CCR5AS: variants seen among roughly 807,000 people sequenced by gnomAD.
The protein encoded by CCR5AS is CCR5 antisense RNA.
At chr3:46,374,946 G>A (rs1034541077) in intron 2 of CCR5AS, 1 of 167,578 alleles carries the variant, frequency 6.0e-6, no homozygotes, top group Non-Finnish European at 1.5e-5. Context: ...AGCATATGAG[G>A]ATGCAGAGTC....
chr3:46,373,772 C>T (rs1701710061), intron 2 of CCR5AS: 1 of 1,613,652 alleles, frequency 6.2e-7, no homozygotes, highest in Non-Finnish European at 8.5e-7. Context: ...TGACGCACTG[C>T]TGCATCAACC....
intron 1 of CCR5AS, among the ~76,000 whole-genome samples, chr3:46,396,668 A>G (rs1701964376): frequency 6.6e-6 from 1 of 152,140 alleles, no homozygotes; most frequent in Non-Finnish European, 1.5e-5. Context: ...ATGACTGGCT[A>G]ATGTTGGATT....
chr3:46,373,017 C>T, intron 2 of CCR5AS: 1 of 1,614,184 alleles, frequency 6.2e-7, no homozygotes, highest in Non-Finnish European at 8.5e-7. Flanking sequence ...GCTCTACTCA[C>T]TGGTGTTCAT....
Position 46,385,305 on chromosome 3 carries a change from G to A in CCR5AS, n.391+7520C>T, listed in dbSNP as rs1001815991. Among the ~76,000 whole-genome samples, 66 of 152,310 alleles carry A rather than the reference G, an allele frequency of 4.3e-4. No individual in the cohort carries two copies. The Middle Eastern group carries it at 0.014, about 31-fold the overall frequency. ...TAGTATTGAGACAGGAATAATAAGG[G>A]TGGTCACAGGAGAATGGAAGATTCC... On this transcript the variant is annotated intron_variant and non_coding_transcript_variant, in intron 2 of 3. Transcript: ENST00000451485.
At position 46,382,347 on chromosome 3, in the gene CCR5AS, C is replaced by T. The variant is rs149118922; in HGVS notation, n.391+10478G>A. On this transcript the variant is annotated intron_variant and non_coding_transcript_variant, in intron 2 of 3. Transcript: ENST00000451485. Reference sequence around the variant, plus strand: ...TTTGGGCCCTGTGTAAATCAGACACCGCCTCCTCAAGTTAGTCTATAAAAC... The same window carrying T: ...TTTGGGCCCTGTGTAAATCAGACACTGCCTCCTCAAGTTAGTCTATAAAAC... 8.4e-3 allele frequency among the ~76,000 whole-genome samples: 1,274 copies of T among 152,294 alleles called. 24 individuals carry two copies. The highest frequency in any genetic ancestry group is 0.029 in the African/African-American group (1,205 of 41,542).
chr3:46,368,830 C>CA (rs1041850798), intron 3 of CCR5AS, among the ~76,000 whole-genome samples: 13 of 152,128 alleles, frequency 8.5e-5, no homozygotes, highest in Non-Finnish European at 1.5e-5. Flanking sequence ...TCACATCCTC[C>CA]AATACCCTAA....
intron 3 of CCR5AS, among the ~76,000 whole-genome samples, chr3:46,367,672 G>A (rs1701613180): frequency 6.6e-6 from 1 of 152,186 alleles, no homozygotes; most frequent in African/African-American, 2.4e-5. Context: ...CTGGGTTCAA[G>A]AGATTCTCCC....
chr3:46,381,124 G>A (rs537286657), intron 2 of CCR5AS, among the ~76,000 whole-genome samples: 1 of 152,272 alleles, frequency 6.6e-6, no homozygotes, highest in East Asian at 1.9e-4. Flanking sequence ...TCCTTTCCAA[G>A]TGAAAAGTAA....
rs17141074 is a variant in CCR5AS at position 46,381,434 on chromosome 3, T to C, written n.392-10017A>G. On this transcript the variant is annotated intron_variant and non_coding_transcript_variant, in intron 2 of 3. Transcript: ENST00000451485. ...GATTTAAATTGTCAACTCTTATACATCCTGGCATATGGTTTAAACACATGT... is the reference window on the plus strand; with the variant it reads ...GATTTAAATTGTCAACTCTTATACACCCTGGCATATGGTTTAAACACATGT... Among the ~76,000 whole-genome samples the C allele has an allele frequency of 1.0e-2, 1,517 of 152,304 alleles. 12 individuals are homozygous for C. Among genetic ancestry groups the C allele is most frequent in the Middle Eastern group, 0.041 (12 of 294 alleles).
chr3:46,391,645 A>C (rs143580574), intron 2 of CCR5AS, among the ~76,000 whole-genome samples: 57 of 152,260 alleles, frequency 3.7e-4, no homozygotes, highest in African/African-American at 1.4e-3. Flanking sequence ...AACCTTGACT[A>C]TGCCTTTAGC....
intron 2 of CCR5AS, among the ~76,000 whole-genome samples, chr3:46,386,832 G>A (rs554762979): frequency 6.6e-6 from 1 of 152,224 alleles, no homozygotes; most frequent in South Asian, 2.1e-4. Context: ...AATACTAGTG[G>A]ATTAAGTTAT....
Position 46,368,612 on chromosome 3 carries a change from T to C in CCR5AS, n.565+2632A>G, listed in dbSNP as rs202002844. 7.2e-5 allele frequency among the ~76,000 whole-genome samples: 11 copies of C among 152,338 alleles called. No homozygotes were observed. In the East Asian group the frequency reaches 1.9e-3, roughly 27 times the overall value. On this transcript the variant is annotated intron_variant and non_coding_transcript_variant, in intron 3 of 3. Coordinates refer to ENST00000451485, the Ensembl canonical transcript of CCR5AS. ...CTCACCTTGTTTCCCATCTAGCCTA[T>C]ATTTTTCAAACTAACTTGGCCATAG... is the stretch of plus-strand genomic sequence containing the variant.
At chr3:46,395,404 G>A (rs1417808519) in intron 1 of CCR5AS, among the ~76,000 whole-genome samples, 1 of 152,088 alleles carries the variant, frequency 6.6e-6, no homozygotes, top group African/African-American at 2.4e-5. Flanking sequence ...AGAACCCGGA[G>A]GAATGCAGGC....
chr3:46,402,389 C>A (rs1042865574), intron 1 of CCR5AS, among the ~76,000 whole-genome samples: 2 of 152,200 alleles, frequency 1.3e-5, no homozygotes, highest in Non-Finnish European at 2.9e-5. Flanking sequence ...TTATTTACCT[C>A]TTTGATCTAC....
In CCR5AS at chr3:46,390,311, G is replaced by A. The variant is rs1005962212; in HGVS notation, n.391+2514C>T. ...GTGTATTGAAGATAGGAGGGTGTAC[G>A]GGTTTGGCACTATAGGATGGATGGG... On this transcript the variant is annotated intron_variant and non_coding_transcript_variant, in intron 2 of 3. Transcript: ENST00000451485. Among the ~76,000 whole-genome samples, 32 of 152,210 alleles carry A rather than the reference G, an allele frequency of 2.1e-4. 1 individual carries two copies. The Middle Eastern group carries it at 0.01, about 49-fold the overall frequency.
At chr3:46,367,861 C>T (rs970518810) in intron 3 of CCR5AS, among the ~76,000 whole-genome samples, 4 of 152,202 alleles carry the variant, frequency 2.6e-5, no homozygotes, top group Admixed American at 6.5e-5. Flanking sequence ...CATGAGCCAC[C>T]GCACTTGGCC....
intron 1 of CCR5AS, among the ~76,000 whole-genome samples, chr3:46,399,675 G>A (rs552102184): frequency 2.0e-4 from 30 of 152,256 alleles, no homozygotes; most frequent in Middle Eastern, 3.4e-3. Context: ...TGGTGTTAGA[G>A]GAGCAACTCT....
intron 2 of CCR5AS, among the ~76,000 whole-genome samples, chr3:46,382,437 T>A (rs62246129): frequency 0.1 from 15,563 of 151,998 alleles, 914 homozygotes; most frequent in East Asian, 0.21. Flanking sequence ...AGAGACCTTT[T>A]CTCTTTTGCC....
At chr3:46,384,088 T>C (rs1701837956) in intron 2 of CCR5AS, among the ~76,000 whole-genome samples, 1 of 152,076 alleles carries the variant, frequency 6.6e-6, no homozygotes, top group Admixed American at 6.6e-5. Flanking sequence ...GAAAAAAGAA[T>C]AGCTCTCTTG....
Sources: allele counts gnomAD v4.1 joint callset (sites outside exome capture counted in the v4.1 genomes callset), GRCh38; gene constraint gnomAD v4.1.1; transcripts MANE v1.5; gene names NCBI Gene and HGNC (gene_info 2026-07-23, HGNC 2026-07-21).